Variants in RELN observed in about 807,000 individuals in gnomAD.
RELN encodes reelin.
Under a neutral mutation model 427.6 loss-of-function variants are expected in RELN, and 108 were observed. The observed-to-expected ratio is 0.25, with a 90% CI of 0.22 to 0.30. The LOEUF (loss-of-function observed/expected upper bound fraction) is 0.30, where lower values mean the gene tolerates loss of function less well. Ranked by LOEUF, RELN falls within the 10% of genes least tolerant of loss-of-function variation. The probability of loss-of-function intolerance (pLI) is 1.00; values close to 1 mark genes in which losing one functional copy is unlikely to be tolerated. For synonymous variants in RELN, 1,524 were observed against 1,513.4 expected, an observed-to-expected ratio of 1.01 and a Z score of -0.16; for missense variants, 3,715 against 4,302.8, an observed-to-expected ratio of 0.86 and a Z score of 3.82.
chr7:103,961,634 C>G (rs1796556090), intron 1 of RELN, among the ~76,000 whole-genome samples: 1 of 152,144 alleles, frequency 6.6e-6, no homozygotes, highest in Non-Finnish European at 1.5e-5. Flanking sequence ...TTACAGGTAA[C>G]TTGGGATTGT....
intron 20 of RELN, 113 bp downstream of exon 20, chr7:103,629,827 C>A: frequency 1.2e-6 from 1 of 800,346 alleles, no homozygotes; most frequent in Non-Finnish European, 2.2e-6. Context: ...CAAGTAGTTC[C>A]TATTTAGTAA....
At chr7:103,889,693 G>C (rs1344752394) in intron 2 of RELN, among the ~76,000 whole-genome samples, 1 of 152,104 alleles carries the variant, frequency 6.6e-6, no homozygotes, top group Admixed American at 6.5e-5. Context: ...AAACTACAAA[G>C]GGGTTTGACA....
intron 21 of RELN, 148 bp downstream of exon 21, chr7:103,611,463 T>C: frequency 1.6e-6 from 1 of 636,182 alleles, no homozygotes; most frequent in Non-Finnish European, 2.8e-6. Flanking sequence ...TTGCTGACTT[T>C]ATGTTAATTC....
In RELN at chr7:103,640,868, A is replaced by G. The variant is rs564606651; in HGVS notation, c.2003-259T>C. On this transcript the variant is annotated intron_variant, in intron 16 of 64. Coordinates refer to ENST00000428762, the MANE Select transcript of RELN (RefSeq NM_005045.4). The surrounding 1 kb of genome is among the most constrained non-coding windows in gnomAD (Gnocchi z 4.1). ...TAGGAGCTTATGATTTGAATTCTTA[A>G]TAGAGTCTATTAGACAATATTAGCG... is the stretch of plus-strand genomic sequence containing the variant. Among the ~76,000 whole-genome samples the G allele has an allele frequency of 2.1e-4, 32 of 152,330 alleles. No individual in the cohort carries two copies. The East Asian group carries it at 6.0e-3, about 28-fold the overall frequency.
At chr7:103,965,049 T>G (rs1478567090) in intron 1 of RELN, among the ~76,000 whole-genome samples, 2 of 152,212 alleles carry the variant, frequency 1.3e-5, no homozygotes, top group African/African-American at 4.8e-5. Context: ...CAAAGCACTA[T>G]AAAAAGGTAA....
intron 1 of RELN, among the ~76,000 whole-genome samples, chr7:103,923,644 G>A (rs747061789): frequency 2.0e-5 from 3 of 152,118 alleles, no homozygotes; most frequent in East Asian, 1.9e-4. Flanking sequence ...GAGAGAGATC[G>A]TTCCTACCTT....
rs75255863 is a variant in RELN, at chr7:103,925,846, A to C, written c.227-8661T>G. ...TTCTTATAAGCACATACACAGGTGA[A>C]TACATTACAATAAAATACACGGATG... is the stretch of plus-strand genomic sequence containing the variant. On this transcript the variant is annotated intron_variant, in intron 1 of 64. Transcript: ENST00000428762. Among the ~76,000 whole-genome samples, 295 of 152,310 alleles carry C rather than the reference A, an allele frequency of 1.9e-3. 5 individuals carry two copies. In the East Asian group the frequency reaches 0.047, roughly 24 times the overall value.
At chr7:103,746,823 A>C (rs7791627) in intron 6 of RELN, among the ~76,000 whole-genome samples, 31,246 of 148,766 alleles carry the variant, frequency 0.21, 4,344 homozygotes, top group African/African-American at 0.4. Flanking sequence ...GTGGGACTGT[A>C]AACTAGTTCA....
chr7:103,774,498 T>C (rs984641541), intron 4 of RELN, among the ~76,000 whole-genome samples: 2 of 152,140 alleles, frequency 1.3e-5, no homozygotes, highest in African/African-American at 4.8e-5. Flanking sequence ...TTTAATTTAA[T>C]TAAAATCAAC....
chr7:103,870,859 C>T (rs1392049130), intron 2 of RELN, among the ~76,000 whole-genome samples: 1 of 152,144 alleles, frequency 6.6e-6, no homozygotes, highest in African/African-American at 2.4e-5. Flanking sequence ...CTGCAGTCCT[C>T]CTGCTGAGCG....
chr7:103,683,629 A>C (rs992598862), intron 10 of RELN, among the ~76,000 whole-genome samples: 11 of 152,322 alleles, frequency 7.2e-5, no homozygotes, highest in Admixed American at 5.9e-4. Context: ...AAATAGACCT[A>C]CTGTGCTGCC....
At chr7:103,813,350 G>C (rs1440269626) in intron 3 of RELN, among the ~76,000 whole-genome samples, 1 of 143,236 alleles carries the variant, frequency 7.0e-6, no homozygotes, top group East Asian at 1.9e-4. Context: ...CTAACACCCA[G>C]GAGTATCAAA....
intron 3 of RELN, among the ~76,000 whole-genome samples, chr7:103,827,314 T>C (rs936860946): frequency 4.6e-5 from 7 of 151,832 alleles, no homozygotes; most frequent in African/African-American, 1.7e-4. Context: ...GTTTATACCA[T>C]GACTTCTTGG....
rs1475371098 is a variant in RELN, at chr7:103,924,985, TACACATACACACACACAC to T, written c.227-7818_227-7801del. 5.2e-3 allele frequency among the ~76,000 whole-genome samples: 717 copies of T among 137,630 alleles called. 11 individuals carry two copies. Among genetic ancestry groups the T allele is most frequent in the African/African-American group, 0.012 (421 of 36,152 alleles). 90.3% of individuals were successfully genotyped at this position (137,630 alleles called of 152,430 possible). ...TCTCTGACACACGTGTGCATGCGCA[TACACATACACACACACAC>T]ACACACACACACACACACACACACA... On this transcript the variant is annotated intron_variant, in intron 1 of 64. Transcript: ENST00000428762.
chr7:103,729,024 G>C, intron 6 of RELN, among the ~76,000 whole-genome samples: 1 of 152,112 alleles, frequency 6.6e-6, no homozygotes, highest in East Asian at 1.9e-4. Context: ...GAGATTGAAG[G>C]TATGTGTATT....
At chr7:103,710,060 G>A (rs942472485) in intron 8 of RELN, among the ~76,000 whole-genome samples, 73 of 152,194 alleles carry the variant, frequency 4.8e-4, no homozygotes, top group Non-Finnish European at 3.5e-4. Flanking sequence ...AAATCTAAGT[G>A]TAATGTTCAA....
chr7:103,650,995 A>C (rs1467376819), intron 15 of RELN, among the ~76,000 whole-genome samples: 1 of 152,084 alleles, frequency 6.6e-6, no homozygotes, highest in Non-Finnish European at 1.5e-5. Flanking sequence ...ATCAGTGCTC[A>C]GACCTTAGAT....
rs1832202247 is a variant in RELN, at chr7:103,620,829, C to T, written c.2703-9026G>A. Reference sequence around the variant, plus strand: ...TTAGGATTTGCCCTTTCAACACACTCCTGTCTCTCTCAGTTCTTTTCTGTC... The same window carrying T: ...TTAGGATTTGCCCTTTCAACACACTTCTGTCTCTCTCAGTTCTTTTCTGTC... On this transcript the variant is annotated intron_variant, in intron 20 of 64. Transcript: ENST00000428762. The surrounding 1 kb of genome is among the most constrained non-coding windows in gnomAD (Gnocchi z 4.1). Among the ~76,000 whole-genome samples, 1 of 152,198 alleles carries T rather than the reference C, an allele frequency of 6.6e-6. No individual in the cohort carries two copies. The highest frequency in any genetic ancestry group is 1.5e-5 in the Non-Finnish European group (1 of 68,034).
chr7:103,567,310 G>A (rs928915310), intron 31 of RELN, among the ~76,000 whole-genome samples: 5 of 152,194 alleles, frequency 3.3e-5, no homozygotes, highest in South Asian at 2.1e-4. Flanking sequence ...AAAGGCTCAC[G>A]CTTCTCCAAC....
Sources: gnomAD v4.1 joint callset for allele counts (sites outside exome capture counted in the v4.1 genomes callset) on GRCh38, gnomAD v4.1.1 for gene constraint, Gnocchi (gnomAD v3.1) non-coding constraint, MANE v1.5 for transcripts, NCBI Gene and HGNC (gene_info 2026-07-23, HGNC 2026-07-21) for gene names.